ROBO1: variants seen among roughly 807,000 people sequenced by gnomAD.
ROBO1 encodes the protein roundabout homolog 1.
A neutral mutation model predicts 195.9 loss-of-function variants in ROBO1; 149 were observed. That is an observed-to-expected ratio of 0.76 (90% CI 0.67 to 0.87). The LOEUF (loss-of-function observed/expected upper bound fraction) is 0.87, where lower values mean the gene tolerates loss of function less well. Among genes scored for constraint, ROBO1 ranks in the 40% least tolerant of loss-of-function variants. The pLI is 0.00. For synonymous variants in ROBO1, 816 were observed against 733.2 expected, an observed-to-expected ratio of 1.11 and a Z score of -1.82; for missense variants, 1,933 against 2,068.3, an observed-to-expected ratio of 0.93 and a Z score of 1.27.
intron 4 of ROBO1, among the ~76,000 whole-genome samples, chr3:78,828,474 C>T (rs568875429): frequency 6.6e-6 from 1 of 152,230 alleles, no homozygotes; most frequent in South Asian, 2.1e-4. Context: ...AGCATAAGAA[C>T]AATAATTTAC....
At chr3:79,157,195 G>A (rs1163043675) in intron 2 of ROBO1, among the ~76,000 whole-genome samples, 1 of 151,772 alleles carries the variant, frequency 6.6e-6, no homozygotes, top group Non-Finnish European at 1.5e-5. Flanking sequence ...AATGTTTGGG[G>A]GGCTTTTTCC....
intron 2 of ROBO1, among the ~76,000 whole-genome samples, chr3:79,382,272 T>A (rs555054018): frequency 6.6e-6 from 1 of 152,292 alleles, no homozygotes; most frequent in African/African-American, 2.4e-5. Context: ...CACTTAATTT[T>A]TATAAACCTA....
chr3:79,695,553 A>G (rs1296979665), intron 1 of ROBO1, among the ~76,000 whole-genome samples: 1 of 151,586 alleles, frequency 6.6e-6, no homozygotes, highest in Non-Finnish European at 1.5e-5. Flanking sequence ...ACAAAACAGA[A>G]AACACCAAGC....
intron 3 of ROBO1, among the ~76,000 whole-genome samples, chr3:79,030,849 G>A (rs1371592257): frequency 1.3e-5 from 2 of 152,116 alleles, no homozygotes; most frequent in Non-Finnish European, 2.9e-5. Context: ...AGCCTCCCAA[G>A]TAGCTGGGAT....
In ROBO1 at chr3:78,637,990, G is replaced by A. The variant is rs545300913; in HGVS notation, c.3037+1754C>T. The stretch of plus-strand genomic sequence containing the variant: ...GCAATATTGGGTTTTTTTTTGGGGG[G>A]GGGAGGGGTTGTTTGGTAAGAAATC... On this transcript the variant is annotated intron_variant, in intron 22 of 30. Transcript: ENST00000464233. Among the ~76,000 whole-genome samples, 114 of 149,366 alleles carry A rather than the reference G, an allele frequency of 7.6e-4. 3 individuals are homozygous for A. In the Middle Eastern group the frequency reaches 0.021, roughly 27 times the overall value.
At chr3:79,642,986 T>C (rs1271150725) in intron 1 of ROBO1, among the ~76,000 whole-genome samples, 1 of 152,112 alleles carries the variant, frequency 6.6e-6, no homozygotes, top group East Asian at 1.9e-4. Flanking sequence ...TGGGTTTGTC[T>C]GTGAGGGTGT....
rs200467985 is a variant in ROBO1, at chr3:79,627,634, A to G, written c.-50-37673T>C. On this transcript the variant is annotated intron_variant, in intron 1 of 30. Transcript: ENST00000464233. The stretch of plus-strand genomic sequence containing the variant: ...AAATGCCAAAAGCAAAGACAATAAA[A>G]CCAAAATTAACAAATGGGATCTAAT... Among the ~76,000 whole-genome samples, 7 of 152,200 alleles carry G rather than the reference A, an allele frequency of 4.6e-5. No individual in the cohort carries two copies. The East Asian group carries it at 7.8e-4, about 17-fold the overall frequency.
At chr3:79,536,786 T>C (rs889171595) in intron 2 of ROBO1, among the ~76,000 whole-genome samples, 2 of 152,312 alleles carry the variant, frequency 1.3e-5, no homozygotes, top group Admixed American at 6.5e-5. Flanking sequence ...GGAAAAAGTA[T>C]AGGACATAAG....
intron 2 of ROBO1, among the ~76,000 whole-genome samples, chr3:79,440,139 C>A (rs1025021922): frequency 6.6e-6 from 1 of 152,018 alleles, no homozygotes; most frequent in African/African-American, 2.4e-5. Flanking sequence ...AGTCTTCACG[C>A]TGTTGTGAGA....
intron 2 of ROBO1, among the ~76,000 whole-genome samples, chr3:79,167,946 G>C (rs1576763394): frequency 1.3e-5 from 2 of 152,180 alleles, no homozygotes; most frequent in East Asian, 3.9e-4. Context: ...GAAGAATTTA[G>C]AATGGTCACT....
At chr3:79,492,353 A>AT (rs1939505687) in intron 2 of ROBO1, among the ~76,000 whole-genome samples, 1 of 138,560 alleles carries the variant, frequency 7.2e-6, no homozygotes, top group African/African-American at 2.7e-5. Context: ...TGAACCCGGG[A>AT]GGCAGAGGTT....
intron 5 of ROBO1, among the ~76,000 whole-genome samples, chr3:78,721,869 C>T (rs1478949240): frequency 6.6e-6 from 1 of 152,040 alleles, no homozygotes; most frequent in Non-Finnish European, 1.5e-5. Flanking sequence ...TATATTACAG[C>T]CCAATGCTAT....
At chr3:79,320,949 C>T (rs2033953671) in intron 2 of ROBO1, among the ~76,000 whole-genome samples, 1 of 152,052 alleles carries the variant, frequency 6.6e-6, no homozygotes, top group African/African-American at 2.4e-5. Flanking sequence ...TTGAAATTCT[C>T]TATGTAAAGC....
At chr3:79,731,143 A>C (rs959493381) in intron 1 of ROBO1, among the ~76,000 whole-genome samples, 1 of 152,178 alleles carries the variant, frequency 6.6e-6, no homozygotes, top group Non-Finnish European at 1.5e-5. Flanking sequence ...ACTTTAATAT[A>C]TCTCTGTCTC....
chr3:78,875,788 G>GA (rs2035806276), intron 4 of ROBO1, among the ~76,000 whole-genome samples: 1 of 151,894 alleles, frequency 6.6e-6, no homozygotes, highest in Non-Finnish European at 1.5e-5. Context: ...GAATCAAAGT[G>GA]AAAAATATCA....
intron 4 of ROBO1, among the ~76,000 whole-genome samples, chr3:78,808,850 G>C (rs1010880904): frequency 6.6e-6 from 1 of 152,072 alleles, no homozygotes; most frequent in Non-Finnish European, 1.5e-5. Context: ...ATGAACTCAA[G>C]ATGGATTAAA....
chr3:78,604,009 A>C (rs1703325349), intron 29 of ROBO1, among the ~76,000 whole-genome samples: 1 of 151,960 alleles, frequency 6.6e-6, no homozygotes. Flanking sequence ...CAGGTTTGTA[A>C]AATTTCCTTC....
chr3:79,581,924 A>G (rs576836525), intron 2 of ROBO1, among the ~76,000 whole-genome samples: 4 of 152,018 alleles, frequency 2.6e-5, no homozygotes, highest in East Asian at 1.9e-4. Context: ...TGGTTGTAAT[A>G]TTATTCTTCT....
chr3:79,498,879 G>T (rs750372359), intron 2 of ROBO1, among the ~76,000 whole-genome samples: 3 of 151,906 alleles, frequency 2.0e-5, no homozygotes, highest in African/African-American at 7.3e-5. Flanking sequence ...AAAAAGATTT[G>T]TGATTCCACT....
Sources: gnomAD v4.1 joint callset for allele counts (sites outside exome capture counted in the v4.1 genomes callset) on GRCh38, gnomAD v4.1.1 for gene constraint, MANE v1.5 for transcripts, NCBI Gene and HGNC (gene_info 2026-07-23, HGNC 2026-07-21) for gene names.